Variants in RAB18 observed in about 807,000 individuals in gnomAD.
RAB18 encodes ras-related protein Rab-18.
In RAB18, 10 loss-of-function variants were observed where a neutral mutation model predicts 28.5. The observed-to-expected ratio is 0.35, with a 90% confidence interval of 0.22 to 0.60. The LOEUF is 0.60. RAB18 is among the 20% of genes least tolerant of loss of function. The pLI, the probability that RAB18 is intolerant of heterozygous loss-of-function variation, is 0.78. For missense variants in RAB18, 188 were observed against 244.2 expected, an observed-to-expected ratio of 0.77 and a Z score of 1.53; for synonymous variants, 93 against 86.9, an observed-to-expected ratio of 1.07 and a Z score of -0.39.
chr10:27,531,714 A>G (rs1371019891), intron 3 of RAB18: 3 of 643,028 alleles, frequency 4.7e-6, no homozygotes, highest in Middle Eastern at 2.9e-4. Flanking sequence ...TTGAATCCAT[A>G]GTCCAAGGAT....
intron 1 of RAB18, among the ~76,000 whole-genome samples, chr10:27,509,150 C>G (rs373518862): frequency 1.4e-4 from 21 of 152,158 alleles, no homozygotes; most frequent in South Asian, 1.0e-3. Flanking sequence ...GTCCTTTGTT[C>G]TCTCTTGCCA....
chr10:27,538,242 A>G lies in RAB18; in HGVS notation c.*191A>G, dbSNP rs751617817. On this transcript the variant is annotated 3_prime_UTR_variant, in exon 7 of 7. Transcript: ENST00000356940. Reference sequence around the variant, plus strand: ...GTTATGGTAAGCATGCACAGTTTGCAGTCTACAGTTTTTTTATGTAGCACA... The same window carrying G: ...GTTATGGTAAGCATGCACAGTTTGCGGTCTACAGTTTTTTTATGTAGCACA... The G allele has an allele frequency of 2.6e-6, 2 of 757,236 alleles. No homozygotes were observed. The highest frequency in any genetic ancestry group is 4.5e-6 in the Non-Finnish European group (2 of 441,000). 46.9% of individuals were successfully genotyped at this position (757,236 alleles called of 1,614,324 possible). A position where few individuals can be genotyped will look rare whatever the true frequency, so the allele number is the denominator to read the frequency against.
Position 27,540,365 on chromosome 10 carries a change from G to A in RAB18, c.*2314G>A. 1 of 453,996 alleles carries A rather than the reference G, an allele frequency of 2.2e-6. No homozygotes were observed. 28.1% of individuals were successfully genotyped at this position (453,996 alleles called of 1,614,324 possible). A position where few individuals can be genotyped will look rare whatever the true frequency, so the allele number is the denominator to read the frequency against. The stretch of plus-strand genomic sequence containing the variant: ...GTCACTGAGCTGGATTCCAGTCATG[G>A]CATTTTTACTTCTGAGCCCATACTC... On this transcript the variant is annotated 3_prime_UTR_variant, in exon 7 of 7. Transcript: ENST00000356940.
rs556742929 is a variant in RAB18, at chr10:27,538,861, T to A, written c.*810T>A. On this transcript the variant is annotated 3_prime_UTR_variant, in exon 7 of 7. Transcript: ENST00000356940. ...CTCATACACTTTTAAAACCAACATC[T>A]TTTTTCATAAATGTTGGTAGTGTTT... The A allele has an allele frequency of 2.2e-6, 1 of 454,052 alleles. No homozygotes were observed. Among genetic ancestry groups the A allele is most frequent in the South Asian group, 1.6e-5 (1 of 64,470 alleles). 28.1% of individuals were successfully genotyped at this position (454,052 alleles called of 1,614,324 possible). A position where few individuals can be genotyped will look rare whatever the true frequency, so the allele number is the denominator to read the frequency against.
intron 2 of RAB18, among the ~76,000 whole-genome samples, chr10:27,523,503 A>G (rs1229473652): frequency 6.7e-6 from 1 of 150,282 alleles, no homozygotes; most frequent in East Asian, 2.0e-4. Flanking sequence ...CCTTTTGGGT[A>G]GTTTCTGTTG....
intron 3 of RAB18, among the ~76,000 whole-genome samples, chr10:27,529,857 C>G (rs1834752484): frequency 6.6e-6 from 1 of 151,962 alleles, no homozygotes; most frequent in South Asian, 2.1e-4. Context: ...AATTATAACA[C>G]CTATTTAAAC....
chr10:27,514,360 A>C (rs1002854497), intron 2 of RAB18: 1 of 152,256 alleles, frequency 6.6e-6, no homozygotes, highest in African/African-American at 2.4e-5. Context: ...TGCTGAGAGC[A>C]CAACGCACTT....
intron 1 of RAB18, chr10:27,504,960 T>A (rs1644800005): frequency 1.9e-6 from 1 of 532,916 alleles, no homozygotes; most frequent in South Asian, 1.4e-5. Flanking sequence ...TAATGTCGAT[T>A]CTTTTACTTT....
At chr10:27,506,559 A>C (rs1398465392) in intron 1 of RAB18, among the ~76,000 whole-genome samples, 1 of 152,008 alleles carries the variant, frequency 6.6e-6, no homozygotes, top group African/African-American at 2.4e-5. Context: ...TGAGCTCAAC[A>C]GATCCTCCTG....
At chr10:27,522,500 T>C (rs1450110851) in intron 2 of RAB18, among the ~76,000 whole-genome samples, 20 of 152,176 alleles carry the variant, frequency 1.3e-4, no homozygotes, top group African/African-American at 4.8e-4. Context: ...TAAAAAGTAT[T>C]CTGCCAATCT....
Position 27,538,099 on chromosome 10 carries a change from T to C in RAB18, c.*48T>C. 1 of 1,609,412 alleles carries C rather than the reference T, an allele frequency of 6.2e-7. No homozygotes were observed. Among genetic ancestry groups the C allele is most frequent in the Non-Finnish European group, 8.5e-7 (1 of 1,175,780 alleles). The stretch of plus-strand genomic sequence containing the variant: ...GCATATTTGATCAGATAGTGACATC[T>C]TTCTGTATATAAACTCTTTAACTGC... On this transcript the variant is annotated 3_prime_UTR_variant, in exon 7 of 7. Coordinates refer to ENST00000356940, the MANE Select transcript of RAB18 (RefSeq NM_021252.5).
chr10:27,531,789 C>CT (rs879869186), intron 3 of RAB18, among the ~76,000 whole-genome samples: 5,508 of 144,760 alleles, frequency 0.038, 306 homozygotes, highest in African/African-American at 0.13. Flanking sequence ...TAGGTTCATT[C>CT]TTTTTTTTTT....
In RAB18 at chr10:27,506,012, A is replaced by AT. The variant is rs1837823383; in HGVS notation, c.68+1576dup. On this transcript the variant is annotated intron_variant, in intron 1 of 6. Transcript: ENST00000356940. ...AAAAGGCATGAGTAAAATTATTTAC[A>AT]TGATCATCTATTATTGCACATACAT... Among the ~76,000 whole-genome samples, 8 of 152,352 alleles carry AT rather than the reference A, an allele frequency of 5.3e-5. No individual in the cohort carries two copies. In the South Asian group the frequency reaches 1.7e-3, roughly 32 times the overall value.
At chr10:27,504,582 G>A (rs113907343) in intron 1 of RAB18, 145 bp downstream of exon 1, 1,229 of 942,418 alleles carry the variant, frequency 1.3e-3, no homozygotes, top group Non-Finnish European at 1.9e-3. Context: ...CCTCTGGGCC[G>A]CGCTCTCCCG....
At chr10:27,529,142 T>TTG (rs200183417) in intron 3 of RAB18, among the ~76,000 whole-genome samples, 12 of 151,702 alleles carry the variant, frequency 7.9e-5, no homozygotes, top group Non-Finnish European at 1.3e-4. Flanking sequence ...GTTTGTGTTC[T>TTG]TGTGTGTGTG....
At chr10:27,519,944 C>A (rs1834513020) in intron 2 of RAB18, among the ~76,000 whole-genome samples, 1 of 152,100 alleles carries the variant, frequency 6.6e-6, no homozygotes, top group Admixed American at 6.5e-5. Context: ...TGGTGTATAT[C>A]ATGTTGAGGA....
intron 2 of RAB18, among the ~76,000 whole-genome samples, chr10:27,521,986 G>A (rs557007376): frequency 6.6e-6 from 1 of 152,106 alleles, no homozygotes; most frequent in East Asian, 1.9e-4. Context: ...ATCCTTATGT[G>A]TTTCTCTTTT....
chr10:27,524,126 C>T (rs1333726274), intron 2 of RAB18, among the ~76,000 whole-genome samples: 1 of 152,058 alleles, frequency 6.6e-6, no homozygotes. Flanking sequence ...GACGAAGTCT[C>T]GCTGTTTTGC....
At chr10:27,536,777 A>G (rs1834908768) in intron 6 of RAB18, among the ~76,000 whole-genome samples, 2 of 152,212 alleles carry the variant, frequency 1.3e-5, no homozygotes, top group Admixed American at 1.3e-4. Context: ...AGGATATTGG[A>G]TTTGACAAGA....
Sources: allele counts gnomAD v4.1 joint callset (sites outside exome capture counted in the v4.1 genomes callset), GRCh38; gene constraint gnomAD v4.1.1; transcripts MANE v1.5; gene names NCBI Gene and HGNC (gene_info 2026-07-23, HGNC 2026-07-21).